The following MED12L variants were observed in gnomAD, a reference collection of about 807,000 sequenced individuals.
MED12L encodes mediator complex subunit 12L.
A neutral mutation model predicts 281.3 loss-of-function variants in MED12L; 60 were observed. The observed-to-expected ratio is 0.21, with a 90% CI of 0.17 to 0.26. The LOEUF (loss-of-function observed/expected upper bound fraction) is 0.26, where lower values mean the gene tolerates loss of function less well. Ranked by LOEUF, MED12L falls within the 10% of genes least tolerant of loss-of-function variation. The probability of loss-of-function intolerance (pLI) is 1.00; values close to 1 mark genes in which losing one functional copy is unlikely to be tolerated. For synonymous variants in MED12L, 974 were observed against 987.2 expected (o/e 0.99, Z 0.25); for missense variants, 2,146 against 2,680.9 (o/e 0.80, Z 4.41).
chr3:151,280,388 T>A (rs918062686), intron 16 of MED12L, among the ~76,000 whole-genome samples: 6 of 152,206 alleles, frequency 3.9e-5, no homozygotes, highest in African/African-American at 1.4e-4. Flanking sequence ...ATGAGTAAAG[T>A]AGGTCTGTCT....
Position 151,432,772 on chromosome 3 carries a change from G to C in MED12L, c.6511G>C (p.Val2171Leu). 1 of 1,613,372 alleles carries C rather than the reference G, an allele frequency of 6.2e-7. No homozygotes were observed. Among genetic ancestry groups the C allele is most frequent in the Non-Finnish European group, 8.5e-7 (1 of 1,179,586 alleles). The change falls in exon 45 of 45, where the codon GTG (valine) becomes CTG (leucine). Residue 2171 changes from valine to leucine, a missense_variant. Val to Leu is a conservative substitution (Grantham distance 32). Transcript: ENST00000687756. ...QLSSNQPQQG[V>L]TPYGHPSHF ...CTTAGGCAACCAGCCACAGCAAGGA[G>C]TGACTCCGTATGGGCATCCTTCACA...
At chr3:151,234,844 C>A (rs1264682627) in intron 16 of MED12L, among the ~76,000 whole-genome samples, 1 of 152,180 alleles carries the variant, frequency 6.6e-6, no homozygotes, top group Non-Finnish European at 1.5e-5. Flanking sequence ...CAGGGGTCAC[C>A]ATCACTCTCC....
chr3:151,086,627 AG>A, intron 1 of MED12L, 170 bp from the exon 2 acceptor site: 1 of 266,586 alleles, frequency 3.8e-6, no homozygotes. Context: ...CAGAGGAGGC[AG>A]GCGCCGCGGA....
intron 3 of MED12L, among the ~76,000 whole-genome samples, chr3:151,119,631 A>G (rs1341081846): frequency 6.6e-6 from 1 of 152,216 alleles, no homozygotes; most frequent in Non-Finnish European, 1.5e-5. Flanking sequence ...TTAGTCTCAT[A>G]ACAGAGAGTA....
chr3:151,281,342 G>A (rs1742784507), intron 16 of MED12L, among the ~76,000 whole-genome samples: 1 of 151,758 alleles, frequency 6.6e-6, no homozygotes, highest in Non-Finnish European at 1.5e-5. Context: ...CCCGGGAGGT[G>A]GAAGTTGCAG....
Position 151,116,319 on chromosome 3 carries a change from A to G in MED12L, c.100-19A>G. Reference sequence around the variant, plus strand: ...AGCTTTTACATCCTTCTGCTTAATCAATACCGTCTCTTGAACAGGATGAAC... The same window carrying G: ...AGCTTTTACATCCTTCTGCTTAATCGATACCGTCTCTTGAACAGGATGAAC... On this transcript the variant is annotated intron_variant, in intron 2 of 44. Transcript: ENST00000687756. The G allele has an allele frequency of 6.4e-7, 1 of 1,570,138 alleles. No homozygotes were observed. Among genetic ancestry groups the G allele is most frequent in the Non-Finnish European group, 8.8e-7 (1 of 1,142,850 alleles).
intron 16 of MED12L, among the ~76,000 whole-genome samples, chr3:151,205,471 A>G (rs1057469620): frequency 6.6e-6 from 1 of 152,258 alleles, no homozygotes; most frequent in Admixed American, 6.5e-5. Flanking sequence ...ATACCAAACA[A>G]CGGTATTTCA....
intron 2 of MED12L, among the ~76,000 whole-genome samples, chr3:151,110,988 G>C (rs1576747813): frequency 6.6e-6 from 1 of 152,196 alleles, no homozygotes; most frequent in South Asian, 2.1e-4. Flanking sequence ...CATGGTCTCT[G>C]TATCAGCATC....
At position 151,116,041 on chromosome 3, in the gene MED12L, G is replaced by A. The variant is rs190023173; in HGVS notation, c.100-297G>A. 1.1e-3 allele frequency among the ~76,000 whole-genome samples: 151 copies of A among 143,364 alleles called. 1 individual carries two copies. Among genetic ancestry groups the A allele is most frequent in the African/African-American group, 3.9e-3 (147 of 37,704 alleles). The allele number at this position is 143,364 out of a possible 152,430, so 94.1% of individuals were successfully genotyped here. A position where few individuals can be genotyped will look rare whatever the true frequency, so the allele number is the denominator to read the frequency against. On this transcript the variant is annotated intron_variant, in intron 2 of 44. Transcript: ENST00000687756. ...ATTGCGCCGCTGCACTCCAGGCTGG[G>A]CGACAGAGCGAGACTCCATCTCCAA...
intron 5 of MED12L, among the ~76,000 whole-genome samples, chr3:151,138,172 C>A (rs1260509007): frequency 1.3e-5 from 2 of 151,774 alleles, no homozygotes; most frequent in Non-Finnish European, 2.9e-5. Context: ...CTGTTGGATA[C>A]CTTGCCTTTT....
intron 43 of MED12L, among the ~76,000 whole-genome samples, chr3:151,420,766 C>T (rs1577611372): frequency 1.3e-5 from 2 of 152,312 alleles, no homozygotes; most frequent in East Asian, 3.9e-4. Context: ...ACTTCTTTAG[C>T]TGTAAAGTCA....
chr3:151,226,835 G>A (rs532437853), intron 16 of MED12L, among the ~76,000 whole-genome samples: 41 of 152,224 alleles, frequency 2.7e-4, no homozygotes, highest in South Asian at 1.4e-3. Context: ...TATCTCCTGC[G>A]TTGATATCCA....
intron 16 of MED12L, chr3:151,294,992 A>C (rs1317944397): frequency 6.2e-7 from 1 of 1,613,800 alleles, no homozygotes; most frequent in Admixed American, 1.7e-5. Flanking sequence ...GAGGTCTGCA[A>C]CCACTATGTT....
intron 43 of MED12L, among the ~76,000 whole-genome samples, chr3:151,426,348 G>C (rs964291807): frequency 6.6e-6 from 1 of 152,158 alleles, no homozygotes; most frequent in East Asian, 1.9e-4. Context: ...TCACAGGAGG[G>C]GTTCAGTTTG....
chr3:151,160,303 G>A (rs1283244628), intron 8 of MED12L, among the ~76,000 whole-genome samples: 1 of 152,200 alleles, frequency 6.6e-6, no homozygotes, highest in Non-Finnish European at 1.5e-5. Context: ...TCGTCTAGGA[G>A]AGTGTTATTG....
chr3:151,280,283 G>C (rs866523907), intron 16 of MED12L, among the ~76,000 whole-genome samples: 2 of 152,222 alleles, frequency 1.3e-5, no homozygotes, highest in African/African-American at 4.8e-5. Flanking sequence ...GCCTCATCTT[G>C]GGATGGGCCA....
In MED12L at chr3:151,398,983, G is replaced by A. The variant is rs1486069322; in HGVS notation, c.5820+4116G>A. On this transcript the variant is annotated intron_variant, in intron 39 of 44. Coordinates refer to ENST00000687756, the MANE Select transcript of MED12L (RefSeq NM_001393769.1). ...ACTGTGCTGTACTCACCTGTTTTCG[G>A]ACTGCAGTTTTCTGCAGGTAACTGA... is the stretch of plus-strand genomic sequence containing the variant. Among the ~76,000 whole-genome samples, 3 of 152,000 alleles carry A rather than the reference G, an allele frequency of 2.0e-5. No homozygotes were observed. In the East Asian group the frequency reaches 5.8e-4, roughly 29 times the overall value.
chr3:151,261,048 A>G (rs576565227), intron 16 of MED12L, among the ~76,000 whole-genome samples: 1 of 152,182 alleles, frequency 6.6e-6, no homozygotes, highest in South Asian at 2.1e-4. Flanking sequence ...TAACAATGGA[A>G]TGTCATCGGC....
rs1720018019 is a variant in MED12L at position 151,435,288 on chromosome 3, T to C, written c.*2484T>C. On this transcript the variant is annotated 3_prime_UTR_variant, in exon 45 of 45. Coordinates refer to ENST00000687756, the MANE Select transcript of MED12L (RefSeq NM_001393769.1). ...ACAGTTCTTGGATATAAGAAGCCCA[T>C]AGACTCTCTTGTTTACACTGTAGGC... 1 of 152,098 alleles carries C rather than the reference T, an allele frequency of 6.6e-6. No individual in the cohort carries two copies. Among genetic ancestry groups the C allele is most frequent in the South Asian group, 2.1e-4 (1 of 4,832 alleles). The allele number at this position is 152,098 out of a possible 1,614,324, so 9.4% of individuals were successfully genotyped here. A position where few individuals can be genotyped will look rare whatever the true frequency, so the allele number is the denominator to read the frequency against.
Sources: allele counts gnomAD v4.1 joint callset (sites outside exome capture counted in the v4.1 genomes callset), GRCh38; gene constraint gnomAD v4.1.1; transcripts MANE v1.5; gene names NCBI Gene and HGNC (gene_info 2026-07-23, HGNC 2026-07-21).